The following C10orf67 variants were observed in gnomAD, a reference collection of about 807,000 sequenced individuals.
C10orf67 encodes the protein chromosome 10 open reading frame 67.
A neutral mutation model predicts 35.6 loss-of-function variants in C10orf67; 60 were observed. That is an observed-to-expected ratio of 1.68 (90% CI 1.37 to 2.09). C10orf67 has a LOEUF of 2.09. Among genes scored for constraint, C10orf67 ranks in the 30% most tolerant of loss-of-function variants. The pLI, the probability that C10orf67 is intolerant of heterozygous loss-of-function variation, is 0.00. For synonymous variants in C10orf67, 167 were observed against 115.8 expected, an observed-to-expected ratio of 1.44 and a Z score of -2.84; for missense variants, 474 against 330.2, an observed-to-expected ratio of 1.44 and a Z score of -3.38.
chr10:23,233,098 A>T (rs980962963), intron 13 of C10orf67, among the ~76,000 whole-genome samples: 19 of 152,170 alleles, frequency 1.2e-4, no homozygotes, highest in African/African-American at 4.1e-4. Context: ...TTGATGTTAC[A>T]GTGAGCTATG....
intron 15 of C10orf67, among the ~76,000 whole-genome samples, chr10:23,212,373 C>T (rs187892493): frequency 1.3e-5 from 2 of 152,242 alleles, no homozygotes; most frequent in Non-Finnish European, 2.9e-5. Flanking sequence ...ATACATAGCC[C>T]AAACCACACG....
At chr10:23,239,149 GT>G (rs1269347077) in intron 13 of C10orf67, among the ~76,000 whole-genome samples, 3 of 152,068 alleles carry the variant, frequency 2.0e-5, no homozygotes, top group Non-Finnish European at 4.4e-5. Context: ...TCTCATTTTG[GT>G]TTACTTATTA....
chr10:23,264,768 G>T (rs1467175179), intron 10 of C10orf67, among the ~76,000 whole-genome samples: 2 of 152,138 alleles, frequency 1.3e-5, no homozygotes, highest in Non-Finnish European at 2.9e-5. Flanking sequence ...CTCAGGACAA[G>T]AGGCTCAGCT....
chr10:23,330,672 G>A (rs11013394), intron 2 of C10orf67, among the ~76,000 whole-genome samples: 64,631 of 150,982 alleles, frequency 0.43, 14,092 homozygotes, highest in African/African-American at 0.48. Flanking sequence ...CCTGAGAGGC[G>A]GAGGTTGCAG....
chr10:23,232,831 A>T (rs554967406), intron 13 of C10orf67, among the ~76,000 whole-genome samples: 1 of 152,330 alleles, frequency 6.6e-6, no homozygotes, highest in Non-Finnish European at 1.5e-5. Flanking sequence ...AAAGAAACAA[A>T]AACAGATCCC....
rs572490878 is a variant in C10orf67, at chr10:23,250,486, A to G, written c.1315T>C (p.Trp439Arg). The part of the protein sequence containing the change: ...RKEADRLNKS[W>R]EKRFFILRNS... ...CTGAGAATAAAGAATCTCTTTTCCC[A>G]GCTTTTATTTAGTCGATCAGCTTCC... The change falls in exon 12 of 16, where the codon TGG (tryptophan) becomes CGG (arginine). Residue 439 changes from tryptophan to arginine, a missense_variant. Trp to Arg is a moderately radical substitution (Grantham distance 101, BLOSUM62 -3). Transcript: ENST00000636213. 1.3e-5 allele frequency: 5 copies of G among 398,606 alleles called. No homozygotes were observed. Among genetic ancestry groups the G allele is most frequent in the East Asian group, 1.1e-4 (3 of 27,952 alleles). The allele number at this position is 398,606 out of a possible 1,614,324, so 24.7% of individuals were successfully genotyped here.
At chr10:23,343,868 G>C in intron 1 of C10orf67, 1 of 462,196 alleles carries the variant, frequency 2.2e-6, no homozygotes, top group Non-Finnish European at 4.5e-6. Flanking sequence ...CGAGGGCTCC[G>C]GGGCGGGCCG....
intron 12 of C10orf67, among the ~76,000 whole-genome samples, chr10:23,243,108 A>G (rs1206728883): frequency 6.6e-6 from 1 of 152,198 alleles, no homozygotes; most frequent in Non-Finnish European, 1.5e-5. Context: ...TAAAGATAAA[A>G]GCATTTCATA....
At chr10:23,319,030 G>A (rs1844845256) in intron 4 of C10orf67, 1 of 699,346 alleles carries the variant, frequency 1.4e-6, no homozygotes, top group Admixed American at 2.0e-5. Flanking sequence ...TAGGTTCAGA[G>A]GGTACATGTA....
chr10:23,324,085 C>G (rs1288918248), intron 2 of C10orf67, among the ~76,000 whole-genome samples: 1 of 150,298 alleles, frequency 6.7e-6, no homozygotes, highest in Non-Finnish European at 1.5e-5. Flanking sequence ...TCACCAGCAC[C>G]CGAGTGGCTG....
chr10:23,224,313 G>C (rs1841671368), intron 13 of C10orf67, among the ~76,000 whole-genome samples: 2 of 152,202 alleles, frequency 1.3e-5, no homozygotes, highest in Admixed American at 6.5e-5. Context: ...CTGCAGCTGA[G>C]GGTCCTGAGT....
intron 13 of C10orf67, among the ~76,000 whole-genome samples, chr10:23,228,366 C>T (rs1841803122): frequency 6.6e-6 from 1 of 152,142 alleles, no homozygotes; most frequent in African/African-American, 2.4e-5. Context: ...ATAAATGGTG[C>T]TGGGAAAACT....
chr10:23,331,857 G>A (rs144866947), intron 2 of C10orf67, among the ~76,000 whole-genome samples: 283 of 152,164 alleles, frequency 1.9e-3, no homozygotes, highest in African/African-American at 5.9e-3. Flanking sequence ...ACCAGAACGT[G>A]GTCATTTGGA....
At chr10:23,309,094 T>C (rs1330864165) in intron 4 of C10orf67, among the ~76,000 whole-genome samples, 1 of 152,178 alleles carries the variant, frequency 6.6e-6, no homozygotes, top group East Asian at 1.9e-4. Flanking sequence ...ATATGTTTAT[T>C]GCAGCACTAT....
At chr10:23,271,901 A>G (rs548136037) in intron 8 of C10orf67, among the ~76,000 whole-genome samples, 1 of 151,936 alleles carries the variant, frequency 6.6e-6, no homozygotes, top group Admixed American at 6.6e-5. Context: ...TTGAAGAGTA[A>G]ACTTTTTGTT....
At chr10:23,272,904 C>A (rs769292263) in intron 8 of C10orf67, among the ~76,000 whole-genome samples, 1 of 152,092 alleles carries the variant, frequency 6.6e-6, no homozygotes, top group Non-Finnish European at 1.5e-5. Context: ...ATGTTTTATG[C>A]GTATTTTGCC....
intron 1 of C10orf67, among the ~76,000 whole-genome samples, chr10:23,340,448 G>A (rs2132418406): frequency 6.6e-6 from 1 of 152,168 alleles, no homozygotes; most frequent in East Asian, 1.9e-4. Flanking sequence ...TGAGCTCAGA[G>A]GTCAGAGGCT....
At chr10:23,329,907 C>A (rs901554174) in intron 2 of C10orf67, among the ~76,000 whole-genome samples, 1 of 150,208 alleles carries the variant, frequency 6.7e-6, no homozygotes, top group African/African-American at 2.5e-5. Context: ...TGCAGAAATG[C>A]AAAAGGAAAT....
chr10:23,229,476 T>G (rs985988519), intron 13 of C10orf67, among the ~76,000 whole-genome samples: 10 of 150,668 alleles, frequency 6.6e-5, no homozygotes, highest in Non-Finnish European at 1.3e-4. Context: ...GAGATATACC[T>G]AATGTAAATG....
Sources: allele counts gnomAD v4.1 joint callset (sites outside exome capture counted in the v4.1 genomes callset), GRCh38; gene constraint gnomAD v4.1.1; transcripts MANE v1.5; gene names NCBI Gene and HGNC (gene_info 2026-07-23, HGNC 2026-07-21).